CD99L2: variants seen among roughly 807,000 people sequenced by gnomAD.
CD99L2 encodes CD99 molecule like 2.
In CD99L2, 24 loss-of-function variants were observed where a neutral mutation model predicts 27.3. The observed-to-expected ratio is 0.88, with a 90% CI of 0.64 to 1.24. CD99L2 has a LOEUF of 1.24. CD99L2 is among the 50% of genes most tolerant of loss of function. The pLI, the probability that CD99L2 is intolerant of heterozygous loss-of-function variation, is 0.00. For missense variants in CD99L2, 255 were observed against 221.6 expected (o/e 1.15, Z -0.96); for synonymous variants, 97 against 87.9 (o/e 1.10, Z -0.58).
At chrX:150,798,357 A>C (rs1434985515) in intron 4 of CD99L2, among the ~76,000 whole-genome samples, 3 of 108,833 alleles carry the variant, frequency 2.8e-5, no homozygotes, top group South Asian at 4.2e-4. Context: ...AGGAAGGAAG[A>C]AAGCAAGCCC....
chrX:150,795,078 G>T, intron 6 of CD99L2, 128 bp downstream of exon 6: 1 of 729,196 alleles, frequency 1.4e-6, no homozygotes, highest in Non-Finnish European at 2.1e-6. Context: ...GACCAAAAAA[G>T]TTTGAGTACC....
chrX:150,868,087 T>A (rs1237960646), intron 1 of CD99L2, among the ~76,000 whole-genome samples: 6 of 50,119 alleles, frequency 1.2e-4, no homozygotes. Flanking sequence ...ATCTCAAAAA[T>A]AATAATAATA....
intron 2 of CD99L2, among the ~76,000 whole-genome samples, chrX:150,824,171 G>GAGA (rs782368408): frequency 0.3 from 4,746 of 15,823 alleles, 1,170 homozygotes; most frequent in African/African-American, 0.52. Flanking sequence ...GGAGGAGGAG[G>GAGA]AGGAGAAGGA....
chrX:150,793,691 C>G lies in CD99L2; in HGVS notation c.496G>C (p.Gly166Arg), dbSNP rs1557419782. The G allele has an allele frequency of 8.4e-7, 1 of 1,191,293 alleles. No individual in the cohort carries two copies. The highest frequency in any genetic ancestry group is 1.8e-5 in the African/African-American group (1 of 56,271). The change falls in exon 7 of 11, where the codon GGT (glycine) becomes CGT (arginine). Residue 166 changes from glycine (G) to arginine (R), a missense_variant and splice_region_variant. Gly to Arg is a moderately radical substitution (Grantham distance 125). Coordinates refer to ENST00000370377, the MANE Select transcript of CD99L2 (RefSeq NM_031462.4). The stretch of plus-strand genomic sequence containing the variant: ...TGTTGGCACAAATCAATGCTCCTAC[C>G]TTTACCCTTGTCAGGTTTGTATTCT... ...GGEYKPDKGK[G>R]DGRYGSNDDP...
chrX:150,788,395 C>T (rs1471431018), intron 7 of CD99L2, among the ~76,000 whole-genome samples: 4 of 111,413 alleles, frequency 3.6e-5, no homozygotes, highest in African/African-American at 1.3e-4. Context: ...CTTGATGGTT[C>T]TCTCTTGCGG....
At chrX:150,825,915 A>C (rs1417035012) in intron 2 of CD99L2, among the ~76,000 whole-genome samples, 4 of 111,930 alleles carry the variant, frequency 3.6e-5, no homozygotes, top group African/African-American at 1.3e-4. Context: ...GGTGTGGCTT[A>C]ATAATGGTAA....
rs782397320 is a variant in CD99L2 at position 150,840,032 on chromosome X, C to T, written c.68-8739G>A. Among the ~76,000 whole-genome samples the T allele has an allele frequency of 2.8e-5, 3 of 108,686 alleles. No homozygotes were observed. The East Asian group carries it at 8.7e-4, about 32-fold the overall frequency. 94.4% of individuals were successfully genotyped at this position (108,686 alleles called of 115,157 possible). On this transcript the variant is annotated intron_variant, in intron 1 of 10. Coordinates refer to ENST00000370377, the MANE Select transcript of CD99L2 (RefSeq NM_031462.4). ...AAGCCTGGGCAACAGAGTAAGACTC[C>T]GTCTCAAAGAAAAAAAAAATTAGCT... is the stretch of plus-strand genomic sequence containing the variant.
At chrX:150,840,379 A>G (rs1465944106) in intron 1 of CD99L2, among the ~76,000 whole-genome samples, 1 of 110,864 alleles carries the variant, frequency 9.0e-6, no homozygotes, top group African/African-American at 3.3e-5. Flanking sequence ...AAAATGTGAT[A>G]AATCTGGAAA....
At chrX:150,883,085 A>G (rs142398615) in intron 1 of CD99L2, among the ~76,000 whole-genome samples, 1,365 of 111,787 alleles carry the variant, frequency 0.012, 12 homozygotes, top group African/African-American at 0.024. Context: ...CAGGAAAATC[A>G]CTTGAAGCCG....
intron 7 of CD99L2, among the ~76,000 whole-genome samples, chrX:150,780,670 T>A (rs2045495899): frequency 9.3e-6 from 1 of 107,910 alleles, no homozygotes; most frequent in African/African-American, 3.4e-5. Flanking sequence ...AATGAGAAAA[T>A]ATGCAGACCC....
At chrX:150,862,223 G>A (rs1209690574) in intron 1 of CD99L2, among the ~76,000 whole-genome samples, 1 of 112,009 alleles carries the variant, frequency 8.9e-6, no homozygotes, top group African/African-American at 3.2e-5. Flanking sequence ...AATTTCTCAA[G>A]GACATTCCCA....
chrX:150,782,118 AT>A (rs1354396491), intron 7 of CD99L2, among the ~76,000 whole-genome samples: 1 of 112,355 alleles, frequency 8.9e-6, no homozygotes, highest in Non-Finnish European at 1.9e-5. Flanking sequence ...ATGTTCAAGT[AT>A]TTAAAGACAT....
In CD99L2 at chrX:150,794,656, T is replaced by C. The variant is rs782296376; in HGVS notation, c.430+550A>G. 2.7e-5 allele frequency among the ~76,000 whole-genome samples: 3 copies of C among 112,168 alleles called. No homozygotes were observed. In the East Asian group the frequency reaches 8.4e-4, roughly 31 times the overall value. On this transcript the variant is annotated intron_variant, in intron 6 of 10. Coordinates refer to ENST00000370377, the MANE Select transcript of CD99L2 (RefSeq NM_031462.4). ...TTGTTGGGGCCAAGTTTTGGTGTCC[T>C]ATCCGAGAAGATTATCCACAAGGAT...
Position 150,898,495 on chromosome X carries a change from T to TCCCCGCGCGCC in CD99L2, c.67+16_67+26dup, listed in dbSNP as rs1162265657. 2.2e-5 allele frequency: 24 copies of TCCCCGCGCGCC among 1,084,626 alleles called. No individual in the cohort carries two copies. The African/African-American group carries it at 3.4e-4, about 15-fold the overall frequency. 89.4% of individuals were successfully genotyped at this position (1,084,626 alleles called of 1,213,427 possible). ...CCCACAAGGCGGGGTCCCCGCGCGGTCCCCGCGCGCCCCCCGCCCGCCTTA... is the reference window on the plus strand; with the variant it reads ...CCCACAAGGCGGGGTCCCCGCGCGGTCCCCGCGCGCCCCCCGCGCGCCCCCCGCCCGCCTTA... On this transcript the variant is annotated intron_variant, in intron 1 of 10. Transcript: ENST00000370377.
chrX:150,831,303 A>T lies in CD99L2; in HGVS notation c.68-10T>A, dbSNP rs1017815555. ...TCAAAGTCCCCAGATCCTAAAAATT[A>T]AAAAAAAAAATTAAACTATCTTTGC... On this transcript the variant is annotated splice_polypyrimidine_tract_variant and intron_variant, in intron 1 of 10. Transcript: ENST00000370377. 2 of 946,837 alleles carry T rather than the reference A, an allele frequency of 2.1e-6. No homozygotes were observed. The highest frequency in any genetic ancestry group is 3.5e-4 in the Middle Eastern group (1 of 2,880). The allele number at this position is 946,837 out of a possible 1,213,427, so 78.0% of individuals were successfully genotyped here. A position where few individuals can be genotyped will look rare whatever the true frequency, so the allele number is the denominator to read the frequency against.
intron 1 of CD99L2, among the ~76,000 whole-genome samples, chrX:150,875,844 T>A (rs2047220726): frequency 8.9e-6 from 1 of 112,297 alleles, no homozygotes. Flanking sequence ...AAGATGTGAC[T>A]TGCTCCTCCT....
At chrX:150,848,238 G>T (rs2046733409) in intron 1 of CD99L2, among the ~76,000 whole-genome samples, 1 of 110,573 alleles carries the variant, frequency 9.0e-6, no homozygotes, top group South Asian at 3.8e-4. Flanking sequence ...AACGGCAAGT[G>T]GTTAACAATA....
At chrX:150,871,762 T>C (rs2124346307) in intron 1 of CD99L2, among the ~76,000 whole-genome samples, 1 of 111,668 alleles carries the variant, frequency 9.0e-6, no homozygotes, top group Admixed American at 9.5e-5. Context: ...AATAGATAAA[T>C]AGAATAGATG....
chrX:150,880,957 AGTACTTCAAT>A (rs1410718398), intron 1 of CD99L2, among the ~76,000 whole-genome samples: 3 of 111,539 alleles, frequency 2.7e-5, no homozygotes, highest in Non-Finnish European at 3.8e-5. Context: ...GAATCTTGTC[AGTACTTCAAT>A]GTACTTCAAT....
Sources: gnomAD v4.1 joint callset for allele counts (sites outside exome capture counted in the v4.1 genomes callset) on GRCh38, gnomAD v4.1.1 for gene constraint, MANE v1.5 for transcripts, NCBI Gene and HGNC (gene_info 2026-07-23, HGNC 2026-07-21) for gene names.